The following PAX9 variants were observed in gnomAD, a reference collection of about 807,000 sequenced individuals.
PAX9 encodes paired box protein Pax-9.
PAX9 carries 6 observed loss-of-function variants against 29.1 expected under a neutral mutation model. That is an observed-to-expected ratio of 0.21 (90% CI 0.11 to 0.41). PAX9 has a LOEUF of 0.41. PAX9 is among the 10% of genes least tolerant of loss of function. The pLI, the probability that PAX9 is intolerant of heterozygous loss-of-function variation, is 1.00. For synonymous variants in PAX9, 217 were observed against 211.7 expected, an observed-to-expected ratio of 1.03 and a Z score of -0.22; for missense variants, 443 against 479.1, an observed-to-expected ratio of 0.92 and a Z score of 0.70.
rs767875543 is a variant in PAX9, at chr14:36,678,594, AC to A, written c.*2143del. ...CAGGGACTCTCCTGTCATCTGAAAAACTGATGTAAGGTACAGAACTATTCTT... is the reference window on the plus strand; with the variant it reads ...CAGGGACTCTCCTGTCATCTGAAAAATGATGTAAGGTACAGAACTATTCTT... On this transcript the variant is annotated 3_prime_UTR_variant, in exon 4 of 4. Coordinates refer to ENST00000361487, the MANE Select transcript of PAX9 (RefSeq NM_001372076.1). 23 of 1,508,366 alleles carry A rather than the reference AC, an allele frequency of 1.5e-5. No individual in the cohort carries two copies. Among genetic ancestry groups the A allele is most frequent in the Non-Finnish European group, 1.9e-5 (21 of 1,133,498 alleles). 93.4% of individuals were successfully genotyped at this position (1,508,366 alleles called of 1,614,324 possible). A position where few individuals can be genotyped will look rare whatever the true frequency, so the allele number is the denominator to read the frequency against.
chr14:36,671,869 G>A (rs1274542131), intron 3 of PAX9: 1 of 152,154 alleles, frequency 6.6e-6, no homozygotes, highest in African/African-American at 2.4e-5. Flanking sequence ...TCAGTGTGAT[G>A]AAGTTGGTCT....
upstream of PAX9, among the ~76,000 whole-genome samples, chr14:36,658,382 G>A (rs896256345): frequency 1.3e-5 from 2 of 151,834 alleles, no homozygotes; most frequent in African/African-American, 2.4e-5. Flanking sequence ...TTGGGGGGGG[G>A]GGGTCCTGTC....
Position 36,676,883 on chromosome 14 carries a change from GAAAAA to G in PAX9, c.*433_*437del. 36 of 220,084 alleles carry G rather than the reference GAAAAA, an allele frequency of 1.6e-4. No individual in the cohort carries two copies. The highest frequency in any genetic ancestry group is 4.2e-4 in the Admixed American group (8 of 19,158). 13.6% of individuals were successfully genotyped at this position (220,084 alleles called of 1,614,324 possible). A position where few individuals can be genotyped will look rare whatever the true frequency, so the allele number is the denominator to read the frequency against. On this transcript the variant is annotated 3_prime_UTR_variant, in exon 4 of 4. Transcript: ENST00000361487. ...AAATCAATAAAGGAAAATACTTATA[GAAAAA>G]ATTATGCTACACCCTCTAATCAAAT...
chr14:36,670,179 T>A (rs1378489425), intron 3 of PAX9, among the ~76,000 whole-genome samples: 2 of 152,096 alleles, frequency 1.3e-5, no homozygotes, highest in Non-Finnish European at 2.9e-5. Flanking sequence ...TCAAGAAAGA[T>A]ACATTGCATA....
upstream of PAX9, chr14:36,657,639 G>C (rs1306846999): frequency 6.6e-6 from 1 of 150,426 alleles, no homozygotes; most frequent in African/African-American, 2.5e-5. Flanking sequence ...CCCACCTCCC[G>C]CAGGGCTCCG....
chr14:36,662,951 CGCTGCCCAA>C lies in PAX9; in HGVS notation c.60_68del (p.Leu21_Asn23del). 6.2e-7 allele frequency: 1 copy of C among 1,613,182 alleles called. No homozygotes were observed. Among genetic ancestry groups the C allele is most frequent in the Non-Finnish European group, 8.5e-7 (1 of 1,179,778 alleles). ...GGAGGAGTGTTCGTGAACGGGAGGC[CGCTGCCCAA>C]CGCCATCCGGCTTCGCATCGTGGAA... On this transcript the variant is annotated inframe_deletion, in exon 2 of 4. Transcript: ENST00000361487.
upstream of PAX9, among the ~76,000 whole-genome samples, chr14:36,661,220 G>A (rs1252903896): frequency 2.6e-5 from 4 of 152,214 alleles, no homozygotes; most frequent in Non-Finnish European, 1.5e-5. Context: ...GTGGTTGGCC[G>A]GTCCACCTGG....
intron 3 of PAX9, among the ~76,000 whole-genome samples, chr14:36,674,773 GA>G (rs1275976954): frequency 6.6e-6 from 1 of 152,114 alleles, no homozygotes; most frequent in Admixed American, 6.5e-5. Context: ...AACCAACATT[GA>G]AAAACACAAC....
intron 3 of PAX9, among the ~76,000 whole-genome samples, chr14:36,669,121 C>G (rs1245994935): frequency 6.6e-6 from 1 of 152,142 alleles, no homozygotes; most frequent in Non-Finnish European, 1.5e-5. Context: ...AGTGGCTACT[C>G]TATGATAATT....
chr14:36,675,205 T>C (rs904741188), intron 3 of PAX9, among the ~76,000 whole-genome samples: 8 of 152,062 alleles, frequency 5.3e-5, no homozygotes, highest in Non-Finnish European at 1.0e-4. Context: ...TTCTAAAGAG[T>C]ATAAAAATTG....
intron 3 of PAX9, among the ~76,000 whole-genome samples, chr14:36,667,196 T>C (rs1035119110): frequency 3.6e-4 from 55 of 151,822 alleles, no homozygotes; most frequent in African/African-American, 1.3e-3. Flanking sequence ...CGACTAAAGG[T>C]CACATTGTAA....
chr14:36,658,930 G>A (rs1363744441), upstream of PAX9: 1 of 152,422 alleles, frequency 6.6e-6, no homozygotes, highest in East Asian at 1.9e-4. Flanking sequence ...TGTACACAAG[G>A]ATCCGGCCAG....
upstream of PAX9, chr14:36,661,740 T>G: frequency 2.6e-6 from 1 of 391,382 alleles, no homozygotes; most frequent in East Asian, 4.6e-5. Flanking sequence ...GCGGAAGGAG[T>G]TTCCTGGACT....
At chr14:36,674,473 G>C (rs1284690512) in intron 3 of PAX9, among the ~76,000 whole-genome samples, 2 of 152,160 alleles carry the variant, frequency 1.3e-5, no homozygotes, top group African/African-American at 4.8e-5. Context: ...TATAAAAAGA[G>C]GATAAGATTT....
chr14:36,675,333 G>T (rs1594474833), intron 3 of PAX9, among the ~76,000 whole-genome samples: 1 of 152,308 alleles, frequency 6.6e-6, no homozygotes, highest in East Asian at 1.9e-4. Flanking sequence ...TAATTCACTG[G>T]ATGCCAAGAC....
chr14:36,669,024 T>C (rs1297347436), intron 3 of PAX9, among the ~76,000 whole-genome samples: 4 of 152,204 alleles, frequency 2.6e-5, no homozygotes, highest in Non-Finnish European at 5.9e-5. Flanking sequence ...TATGCTAATC[T>C]TCTGCATTGC....
At position 36,676,604 on chromosome 14, in the gene PAX9, C is replaced by A; in HGVS notation, c.*152C>A. The A allele has an allele frequency of 2.4e-6, 2 of 834,066 alleles. No homozygotes were observed. The highest frequency in any genetic ancestry group is 3.9e-6 in the Non-Finnish European group (2 of 517,482). 51.7% of individuals were successfully genotyped at this position (834,066 alleles called of 1,614,324 possible). ...GGACTCACATCCTTTGTGCTAATGA[C>A]ACTTACATATTTCTTGCCATAACTT... On this transcript the variant is annotated 3_prime_UTR_variant, in exon 4 of 4. Transcript: ENST00000361487.
At chr14:36,673,521 G>A (rs1354933267) in intron 3 of PAX9, among the ~76,000 whole-genome samples, 1 of 152,164 alleles carries the variant, frequency 6.6e-6, no homozygotes, top group Non-Finnish European at 1.5e-5. Context: ...GTCTCTGAGG[G>A]CCATCTTCCA....
intron 3 of PAX9, among the ~76,000 whole-genome samples, chr14:36,673,517 G>A (rs1856394744): frequency 9.1e-5 from 1 of 11,040 alleles, no homozygotes; most frequent in Admixed American, 9.5e-4. Context: ...GCATGTCTCT[G>A]AGGGCCATCT....
Sources: allele counts gnomAD v4.1 joint callset (sites outside exome capture counted in the v4.1 genomes callset), GRCh38; gene constraint gnomAD v4.1.1; transcripts MANE v1.5; gene names NCBI Gene and HGNC (gene_info 2026-07-23, HGNC 2026-07-21).